Variants in NCALD observed in about 807,000 individuals in gnomAD.
NCALD encodes neurocalcin-delta.
A neutral mutation model predicts 18.6 loss-of-function variants in NCALD; 10 were observed. That is an observed-to-expected ratio of 0.54 (90% confidence interval 0.33 to 0.91). The LOEUF is 0.91. Ranked by LOEUF, NCALD falls within the 40% of genes least tolerant of loss-of-function variation. NCALD has a pLI of 0.03. For synonymous variants in NCALD, 88 were observed against 87.4 expected (o/e 1.01, Z -0.04); for missense variants, 184 against 247.6 (o/e 0.74, Z 1.72).
intron 4 of NCALD, among the ~76,000 whole-genome samples, chr8:101,870,908 C>A (rs566267652): frequency 2.3e-4 from 21 of 91,548 alleles, no homozygotes; most frequent in African/African-American, 8.6e-4. Context: ...CCCCCCCCCC[C>A]CAAAAAAAGA....
intron 4 of NCALD, among the ~76,000 whole-genome samples, chr8:101,797,836 C>T (rs951248927): frequency 1.3e-5 from 2 of 151,690 alleles, no homozygotes; most frequent in African/African-American, 4.8e-5. Context: ...AGAGGAGTGT[C>T]TTCTGTTCCC....
intron 2 of NCALD, among the ~76,000 whole-genome samples, chr8:101,997,727 A>C (rs554790228): frequency 6.6e-6 from 1 of 152,302 alleles, no homozygotes; most frequent in East Asian, 1.9e-4. Context: ...CTCGCAGCAG[A>C]AGTTCTTAAA....
Position 101,719,587 on chromosome 8 carries a change from C to T in NCALD, c.43G>A (p.Asp15Asn), listed in dbSNP as rs763347204. Reference sequence around the variant, plus strand: ...GTAAAGTCTGTGCTTTCCAGCAAGTCCTGCATGACCTCCGGGCGCAGCTTG... The same window carrying T: ...GTAAAGTCTGTGCTTTCCAGCAAGTTCTGCATGACCTCCGGGCGCAGCTTG... ...NSKLRPEVMQ[D>N]LLESTDFTEH... Residue 15 changes from aspartate (D) to asparagine (N), a missense_variant, in exon 2 of 4, where the codon GAC becomes AAC. By Grantham distance (23) the Asp-to-Asn change is conservative. Coordinates refer to ENST00000220931, the MANE Select transcript of NCALD (RefSeq NM_032041.3). The T allele has an allele frequency of 1.7e-5, 28 of 1,608,610 alleles. No individual in the cohort carries two copies. The highest frequency in any genetic ancestry group is 3.4e-5 in the Admixed American group (2 of 59,020).
chr8:101,905,057 T>C (rs906143516), intron 3 of NCALD, among the ~76,000 whole-genome samples: 7 of 152,202 alleles, frequency 4.6e-5, no homozygotes, highest in Non-Finnish European at 1.0e-4. Context: ...GCATGGAACA[T>C]TCTTACACTA....
Position 101,719,418 on chromosome 8 carries a change from G to T in NCALD, c.212C>A (p.Thr71Asn). The change falls in exon 2 of 4, where the codon ACC (threonine) becomes AAC (asparagine). Residue 71 changes from threonine to asparagine, a missense_variant. Thr to Asn is a moderately conservative substitution (Grantham distance 65). Coordinates refer to ENST00000220931, the MANE Select transcript of NCALD (RefSeq NM_032041.3). Reference sequence around the variant, plus strand: ...TGTCCCATCTCCATTTGCATCGAAGGTGCGGAAGACATGCTCTGCAAATTT... The same window carrying T: ...TGTCCCATCTCCATTTGCATCGAAGTTGCGGAAGACATGCTCTGCAAATTT... ...ASKFAEHVFR[T>N]FDANGDGTID... 1.2e-6 allele frequency: 2 copies of T among 1,614,214 alleles called. No individual in the cohort carries two copies. Among genetic ancestry groups the T allele is most frequent in the Non-Finnish European group, 8.5e-7 (1 of 1,180,038 alleles).
At chr8:102,063,292 C>T (rs947954708) in intron 1 of NCALD, among the ~76,000 whole-genome samples, 2 of 152,150 alleles carry the variant, frequency 1.3e-5, no homozygotes, top group Non-Finnish European at 2.9e-5. Context: ...ACATTTTTCT[C>T]CCTTCTAAAA....
At chr8:101,926,597 T>C (rs912278892) in intron 2 of NCALD, among the ~76,000 whole-genome samples, 4 of 152,192 alleles carry the variant, frequency 2.6e-5, no homozygotes, top group Non-Finnish European at 4.4e-5. Context: ...ATAAGTTAAA[T>C]AATATGTCCA....
At chr8:101,724,271 A>T (rs1816481094) in intron 1 of NCALD, among the ~76,000 whole-genome samples, 1 of 152,240 alleles carries the variant, frequency 6.6e-6, no homozygotes. Flanking sequence ...CAGTCTGCAT[A>T]GGCTGGTGGA....
At chr8:101,694,520 G>A (rs1278199462) in intron 2 of NCALD, 1 of 152,174 alleles carries the variant, frequency 6.6e-6, no homozygotes, top group Non-Finnish European at 1.5e-5. Context: ...CCCTGAGTCT[G>A]TCTCAAACCC....
intron 1 of NCALD, among the ~76,000 whole-genome samples, chr8:102,049,360 CATGGCTTG>C (rs1419408209): frequency 2.6e-5 from 4 of 152,334 alleles, no homozygotes; most frequent in South Asian, 2.1e-4. Flanking sequence ...TATGTCTTTT[CATGGCTTG>C]ATAGCTCACT....
intron 4 of NCALD, among the ~76,000 whole-genome samples, chr8:101,864,593 CTTTT>C (rs34516996): frequency 2.2e-5 from 3 of 136,888 alleles, no homozygotes; most frequent in African/African-American, 5.4e-5. Flanking sequence ...TCTTTCCTTT[CTTTT>C]TTTTTTTTTT....
intron 1 of NCALD, among the ~76,000 whole-genome samples, chr8:101,726,614 A>G (rs935095969): frequency 2.4e-4 from 37 of 152,228 alleles, no homozygotes; most frequent in Non-Finnish European, 4.6e-4. Flanking sequence ...TGGATGAGGC[A>G]TGAATATCAT....
intron 3 of NCALD, among the ~76,000 whole-genome samples, chr8:101,903,702 T>C (rs914802831): frequency 3.9e-5 from 6 of 152,164 alleles, no homozygotes; most frequent in African/African-American, 1.4e-4. Flanking sequence ...GGCTCCTTCC[T>C]GTGCCACAAA....
intron 4 of NCALD, among the ~76,000 whole-genome samples, chr8:101,839,090 C>A (rs1377668660): frequency 6.6e-6 from 1 of 152,186 alleles, no homozygotes; most frequent in African/African-American, 2.4e-5. Context: ...CAGAACCCAC[C>A]TGGGTACTCA....
intron 2 of NCALD, among the ~76,000 whole-genome samples, chr8:101,966,194 G>A (rs1820022777): frequency 2.0e-5 from 3 of 150,368 alleles, no homozygotes; most frequent in African/African-American, 7.4e-5. Context: ...AAAAAAAAAA[G>A]AGAAAGAGAA....
At chr8:102,070,839 C>A (rs1047294788) in intron 1 of NCALD, among the ~76,000 whole-genome samples, 5 of 152,164 alleles carry the variant, frequency 3.3e-5, no homozygotes, top group Non-Finnish European at 7.3e-5. Context: ...CGGGAAAAGA[C>A]CATCACCCAT....
chr8:102,081,502 T>C (rs1240467390), intron 1 of NCALD, among the ~76,000 whole-genome samples: 1 of 145,696 alleles, frequency 6.9e-6, no homozygotes, highest in East Asian at 2.1e-4. Context: ...TTAGCTCATT[T>C]ACGCCTATTT....
chr8:101,833,423 GGAAAGC>G (rs1347114346), intron 4 of NCALD, among the ~76,000 whole-genome samples: 3 of 152,060 alleles, frequency 2.0e-5, no homozygotes, highest in Non-Finnish European at 4.4e-5. Flanking sequence ...ACATAATATA[GGAAAGC>G]TGAACATCTA....
intron 1 of NCALD, chr8:102,029,071 G>T (rs539348298): frequency 1.3e-5 from 2 of 152,130 alleles, no homozygotes; most frequent in African/African-American, 4.8e-5. Flanking sequence ...TGGAGGAGGA[G>T]GAATTTTAAA....
Sources: allele counts gnomAD v4.1 joint callset (sites outside exome capture counted in the v4.1 genomes callset), GRCh38; gene constraint gnomAD v4.1.1; transcripts MANE v1.5; gene names NCBI Gene and HGNC (gene_info 2026-07-23, HGNC 2026-07-21).